The following COL6A1 variants were observed in gnomAD, a reference collection of about 807,000 sequenced individuals.
The protein encoded by COL6A1 is collagen alpha-1(VI) chain.
Under a neutral mutation model 145.6 loss-of-function variants are expected in COL6A1, and 80 were observed. The ratio of observed to expected loss-of-function variants is 0.55; its 90% CI spans 0.46 to 0.66. The LOEUF is 0.66. Among genes scored for constraint, COL6A1 ranks in the 30% least tolerant of loss-of-function variants. The pLI is 0.00. For missense variants in COL6A1, 1,364 were observed against 1,473.8 expected, an observed-to-expected ratio of 0.93 and a Z score of 1.22; for synonymous variants, 638 against 622.8, an observed-to-expected ratio of 1.02 and a Z score of -0.36.
rs938650961 is a variant in COL6A1 at position 46,001,510 on chromosome 21, A to G, written c.1956+124A>G. 13 of 1,308,462 alleles carry G rather than the reference A, an allele frequency of 9.9e-6. No homozygotes were observed. In the African/African-American group the frequency reaches 1.6e-4, roughly 16 times the overall value. The allele number at this position is 1,308,462 out of a possible 1,614,324, so 81.1% of individuals were successfully genotyped here. ...CTGCATCCCTGTGACTTCCCTACTC[A>G]TGACAAGGATGCCAGGCACGCGCCA... On this transcript the variant is annotated intron_variant, in intron 30 of 34. Coordinates refer to ENST00000361866, the MANE Select transcript of COL6A1 (RefSeq NM_001848.3).
At chr21:45,985,443 T>C (rs1428942148) in intron 3 of COL6A1, among the ~76,000 whole-genome samples, 1 of 151,868 alleles carries the variant, frequency 6.6e-6, no homozygotes, top group Non-Finnish European at 1.5e-5. Context: ...GCAGAGAGAC[T>C]GAGAGACTGA....
At chr21:45,989,178 A>C (rs1219696461) in intron 9 of COL6A1, 41 bp downstream of exon 9, 1 of 1,567,340 alleles carries the variant, frequency 6.4e-7, no homozygotes, top group Non-Finnish European at 8.6e-7. Context: ...AAGAAGCTGG[A>C]GGCGGGGAAC....
intron 27 of COL6A1, 87 bp from the exon 28 acceptor site, chr21:46,000,244 G>T (rs1264135900): frequency 6.4e-7 from 1 of 1,562,248 alleles, no homozygotes; most frequent in Admixed American, 1.7e-5. Flanking sequence ...GGGGCCCCAG[G>T]GAGGGTGACC....
At chr21:45,984,237 C>T (rs542884905) in intron 2 of COL6A1, 32 bp from the exon 3 acceptor site, 11 of 1,577,282 alleles carry the variant, frequency 7.0e-6, no homozygotes, top group Admixed American at 5.4e-5. Flanking sequence ...AGGGGCCGCC[C>T]GCCTCACGCC....
Position 45,984,467 on chromosome 21 carries a change from G to A in COL6A1, c.426G>A (p.Val142=). The A allele has an allele frequency of 1.9e-6, 3 of 1,609,284 alleles. No individual in the cohort carries two copies. Among genetic ancestry groups the A allele is most frequent in the Non-Finnish European group, 2.5e-6 (3 of 1,179,788 alleles). ...AGAAGGGGCTGGAGCAGCTCCTCGT[G>A]GGGTGAGTGGCCCCCAGCCTCCTGC... ...AIKKGLEQLL[V]GGSHLKENKY... The change falls in exon 3 of 35, where the codon GTG becomes GTA. Residue 142 remains valine, a splice_region_variant and synonymous_variant. Transcript: ENST00000361866.
In COL6A1 at chr21:46,003,921, G is replaced by T; in HGVS notation, c.2995G>T (p.Gly999Cys). 1 of 1,609,072 alleles carries T rather than the reference G, an allele frequency of 6.2e-7. No homozygotes were observed. The highest frequency in any genetic ancestry group is 8.5e-7 in the Non-Finnish European group (1 of 1,177,122). The change falls in exon 35 of 35, where the codon GGC becomes TGC. Residue 999 changes from glycine to cysteine, a missense_variant. Physicochemically the swap from Gly to Cys is radical, Grantham distance 159 (BLOSUM62 -3). Around this residue, in one of 3 missense-constraint regions of COL6A1, gnomAD observed 938 missense variants for 1,003.8 expected, o/e 0.93. Coordinates refer to ENST00000361866, the MANE Select transcript of COL6A1 (RefSeq NM_001848.3). ...GKTAEYDVAY[G>C]ESHLFRVPSY... ...GACGGCCGAGTACGACGTGGCCTAC[G>T]GCGAGAGCCACCTGTTCCGTGTCCC...
chr21:45,992,932 C>A (rs1036934830), intron 19 of COL6A1, 122 bp downstream of exon 19: 2 of 839,494 alleles, frequency 2.4e-6, no homozygotes, highest in African/African-American at 1.7e-5. Context: ...TCAACGTGGC[C>A]AGCCCATCCC....
In COL6A1 at chr21:45,999,222, G is replaced by A; in HGVS notation, c.1740+4G>A. ...CCGGGGTCCCGAGGGCCCCCAGGTG[G>A]GTGGATGTGGCTGGGTGAGGCCACG... On this transcript the variant is annotated splice_donor_region_variant and intron_variant, in intron 26 of 34. Transcript: ENST00000361866. The A allele has an allele frequency of 6.3e-7, 1 of 1,592,558 alleles. No individual in the cohort carries two copies. The highest frequency in any genetic ancestry group is 8.5e-7 in the Non-Finnish European group (1 of 1,170,548).
Position 46,000,671 on chromosome 21 carries a change from G to A in COL6A1, c.1814-88G>A, listed in dbSNP as rs995591762. 2.3e-5 allele frequency: 36 copies of A among 1,535,896 alleles called. 1 individual carries two copies. The highest frequency in any genetic ancestry group is 4.1e-5 in the African/African-American group (3 of 72,860). The stretch of plus-strand genomic sequence containing the variant: ...GGGGAAGGAGGGCGGCCGGGGAGGC[G>A]GGGAGGCTGCCCCAAGAGTAAAAGC... On this transcript the variant is annotated intron_variant, in intron 28 of 34. Coordinates refer to ENST00000361866, the MANE Select transcript of COL6A1 (RefSeq NM_001848.3).
Position 46,003,422 on chromosome 21 carries a change from C to T in COL6A1, c.2496C>T (p.Ile832=), listed in dbSNP as rs761135538. The T allele has an allele frequency of 6.2e-7, 1 of 1,602,388 alleles. No homozygotes were observed. Among genetic ancestry groups the T allele is most frequent in the South Asian group, 1.1e-5 (1 of 91,078 alleles). Residue 832 remains isoleucine, a synonymous_variant, in exon 35 of 35, where the codon ATC becomes ATT. Transcript: ENST00000361866. ...TCTCCTCCCCGGCTGACATCACCAT[C>T]CTGCTGGACGGCTCCGCCAGCGTGG... ...ITFSSPADIT[I]LLDGSASVGS...
At chr21:45,989,841 G>A in intron 11 of COL6A1, 63 bp downstream of exon 11, 3 of 1,603,610 alleles carry the variant, frequency 1.9e-6, no homozygotes, top group Non-Finnish European at 2.6e-6. Context: ...CTGGACGAGG[G>A]TGTCCCCGGG....
chr21:45,999,971 G>GATCATGGAGGGGGACATGTGAGGATC lies in COL6A1; in HGVS notation c.1776+282_1776+307dup. Among the ~76,000 whole-genome samples the GATCATGGAGGGGGACATGTGAGGATC allele has an allele frequency of 1.5e-3, 8 of 5,226 alleles. 1 individual carries two copies. Among genetic ancestry groups the GATCATGGAGGGGGACATGTGAGGATC allele is most frequent in the African/African-American group, 6.8e-3 (7 of 1,022 alleles). 3.4% of individuals were successfully genotyped at this position (5,226 alleles called of 152,430 possible). ...TGTGAGGATCATGGGAGGACGTGAG[G>GATCATGGAGGGGGACATGTGAGGATC]ATCATGGAGGGGGACATGTGAGGAT... On this transcript the variant is annotated intron_variant, in intron 27 of 34. Coordinates refer to ENST00000361866, the MANE Select transcript of COL6A1 (RefSeq NM_001848.3).
rs1387906423 is a variant in COL6A1 at position 45,994,826 on chromosome 21, G to T, written c.1398+597G>T. Among the ~76,000 whole-genome samples the T allele has an allele frequency of 6.6e-6, 1 of 152,062 alleles. No homozygotes were observed. The highest frequency in any genetic ancestry group is 1.5e-5 in the Non-Finnish European group (1 of 68,014). On this transcript the variant is annotated intron_variant, in intron 20 of 34. Coordinates refer to ENST00000361866, the MANE Select transcript of COL6A1 (RefSeq NM_001848.3). This position sits in a 1 kb window ranked among gnomAD's most constrained non-coding sequence, Gnocchi z 6.8. The stretch of plus-strand genomic sequence containing the variant: ...TGCCCGCAGGCTGGGCTGGGCCGTT[G>T]CATCCTCCCGGAGCTCACCTGCCCC...
chr21:45,997,256 C>G (rs569572416), intron 20 of COL6A1, among the ~76,000 whole-genome samples, 165 bp from the exon 21 acceptor site: 1 of 146,654 alleles, frequency 6.8e-6, no homozygotes, highest in African/African-American at 2.5e-5. Context: ...GCAGGCCCTT[C>G]GTCAGACCCA....
In COL6A1 at chr21:45,994,292, C is replaced by T. The variant is rs1603592245; in HGVS notation, c.1398+63C>T. ...TTGGGTTTTGGGGGTAGAAGTGCTC[C>T]AGCAGCTCACGCACTGGGGGTCTGT... On this transcript the variant is annotated intron_variant, in intron 20 of 34. Coordinates refer to ENST00000361866, the MANE Select transcript of COL6A1 (RefSeq NM_001848.3). This position sits in a 1 kb window ranked among gnomAD's most constrained non-coding sequence, Gnocchi z 6.8. 17 of 1,459,448 alleles carry T rather than the reference C, an allele frequency of 1.2e-5. No individual in the cohort carries two copies. In the East Asian group the frequency reaches 1.4e-4, roughly 12 times the overall value. The allele number at this position is 1,459,448 out of a possible 1,614,324, so 90.4% of individuals were successfully genotyped here. A position where few individuals can be genotyped will look rare whatever the true frequency, so the allele number is the denominator to read the frequency against.
intron 13 of COL6A1, 75 bp downstream of exon 13, chr21:45,990,497 G>T: frequency 4.2e-6 from 1 of 240,600 alleles, no homozygotes; most frequent in Non-Finnish European, 6.7e-6. Flanking sequence ...CGGAGTGGAC[G>T]GCGTGAAGGT....
At position 46,002,361 on chromosome 21, in the gene COL6A1, A is replaced by G; in HGVS notation, c.2210A>G (p.Asp737Gly). 6.3e-7 allele frequency: 1 copy of G among 1,594,056 alleles called. No individual in the cohort carries two copies. Among genetic ancestry groups the G allele is most frequent in the Non-Finnish European group, 8.5e-7 (1 of 1,170,868 alleles). ...ITDGRSDTQR[D>G]TTPLNVLCSP... ...GACGGGCGCTCAGACACTCAGAGGG[A>G]CACCACACCGCTCAACGTGCTCTGC... The change falls in exon 32 of 35, where the codon GAC (aspartate) becomes GGC (glycine). Residue 737 changes from aspartate to glycine, a missense_variant. By Grantham distance (94) the Asp-to-Gly change is moderately conservative. Around this residue, in one of 3 missense-constraint regions of COL6A1, gnomAD observed 938 missense variants for 1,003.8 expected, o/e 0.93. Coordinates refer to ENST00000361866, the MANE Select transcript of COL6A1 (RefSeq NM_001848.3).
rs1252772474 is a variant in COL6A1 at position 45,992,124 on chromosome 21, C to A, written c.1183-40C>A. The stretch of plus-strand genomic sequence containing the variant: ...TGCCAGGTATGGGCCCAGGGAGGGT[C>A]AAGGAGATGGAGCGACCATTCAACC... On this transcript the variant is annotated intron_variant, in intron 16 of 34. Coordinates refer to ENST00000361866, the MANE Select transcript of COL6A1 (RefSeq NM_001848.3). The A allele has an allele frequency of 2.5e-6, 4 of 1,613,466 alleles. No homozygotes were observed. The African/African-American group carries it at 4.0e-5, about 16-fold the overall frequency.
Position 45,981,781 on chromosome 21 carries a change from T to G in COL6A1, c.-70T>G. 1 of 1,217,548 alleles carries G rather than the reference T, an allele frequency of 8.2e-7. No homozygotes were observed. 75.4% of individuals were successfully genotyped at this position (1,217,548 alleles called of 1,614,324 possible). On this transcript the variant is annotated 5_prime_UTR_variant, in exon 1 of 35. Transcript: ENST00000361866. ...CTCTGGCTGGGAGCAGAAGGCAGCC[T>G]CGGTCTCTGGGCGGCGGCGGCGGCC...
Sources: gnomAD v4.1 joint callset for allele counts (sites outside exome capture counted in the v4.1 genomes callset) on GRCh38, gnomAD v4.1.1 for gene constraint, gnomAD v4.1.1 regional missense constraint, Gnocchi (gnomAD v3.1) non-coding constraint, MANE v1.5 for transcripts, NCBI Gene and HGNC (gene_info 2026-07-23, HGNC 2026-07-21) for gene names.